The following DHRSX variants were observed in gnomAD, a reference collection of about 807,000 sequenced individuals.
DHRSX encodes polyprenol dehydrogenase.
DHRSX carries 31 observed loss-of-function variants against 34.0 expected under a neutral mutation model. That is an observed-to-expected ratio of 0.91 (90% CI 0.69 to 1.23). The LOEUF is 1.23. Among genes scored for constraint, DHRSX ranks in the 50% most tolerant of loss-of-function variants. DHRSX has a pLI of 0.00. For missense variants in DHRSX, 414 were observed against 428.1 expected, an observed-to-expected ratio of 0.97 and a Z score of 0.29; for synonymous variants, 201 against 183.8, an observed-to-expected ratio of 1.09 and a Z score of -0.76.
intron 5 of DHRSX, among the ~76,000 whole-genome samples, chrX:2,243,880 G>C (rs373365167): frequency 1.5e-5 from 2 of 137,542 alleles, no homozygotes; most frequent in Non-Finnish European, 3.0e-5. Flanking sequence ...AGCGAATCTC[G>C]TGCCTCAGCC....
At chrX:2,432,145 G>C (rs2043934007) in intron 1 of DHRSX, among the ~76,000 whole-genome samples, 1 of 152,010 alleles carries the variant, frequency 6.6e-6, no homozygotes, top group Non-Finnish European at 1.5e-5. Flanking sequence ...AGTGAGCTGA[G>C]ATCACGCCAG....
chrX:2,323,500 C>T (rs1406890260), intron 3 of DHRSX, among the ~76,000 whole-genome samples: 3 of 152,110 alleles, frequency 2.0e-5, no homozygotes, highest in African/African-American at 2.4e-5. Flanking sequence ...CGGTGGTACA[C>T]GCCTGTAATC....
chrX:2,313,553 G>C (rs1337516606), intron 3 of DHRSX, among the ~76,000 whole-genome samples: 1 of 151,438 alleles, frequency 6.6e-6, no homozygotes, highest in Non-Finnish European at 1.5e-5. Context: ...ATTTTTAGTA[G>C]AGACAGGGTT....
intron 1 of DHRSX, chrX:2,489,841 G>A: frequency 6.2e-7 from 1 of 1,613,708 alleles, no homozygotes; most frequent in Non-Finnish European, 8.5e-7. Context: ...CATTGAAGGT[G>A]TGGCCCAGGC....
intron 3 of DHRSX, among the ~76,000 whole-genome samples, chrX:2,327,300 G>C (rs2042398760): frequency 6.6e-6 from 1 of 152,180 alleles, no homozygotes. Context: ...GCAAGTAAGG[G>C]AAGCCTGACT....
At chrX:2,288,080 G>A (rs1433988269) in intron 4 of DHRSX, among the ~76,000 whole-genome samples, 1 of 151,610 alleles carries the variant, frequency 6.6e-6, no homozygotes, top group African/African-American at 2.4e-5. Flanking sequence ...TAATCACAAT[G>A]GTTCTTCTAC....
At chrX:2,385,182 C>A (rs1258998864) in intron 3 of DHRSX, among the ~76,000 whole-genome samples, 1 of 150,298 alleles carries the variant, frequency 6.7e-6, no homozygotes, top group East Asian at 2.0e-4. Flanking sequence ...ATACACACAT[C>A]CAACAAGTAC....
At chrX:2,310,059 G>A (rs945629697) in intron 3 of DHRSX, among the ~76,000 whole-genome samples, 8 of 152,124 alleles carry the variant, frequency 5.3e-5, no homozygotes, top group African/African-American at 1.4e-4. Flanking sequence ...CACCTGCCCC[G>A]TCCCTACGCA....
At chrX:2,443,735 G>A (rs1467203172) in intron 1 of DHRSX, among the ~76,000 whole-genome samples, 7 of 152,164 alleles carry the variant, frequency 4.6e-5, no homozygotes, top group Admixed American at 6.5e-5. Context: ...GGCCGGGCAC[G>A]GTAGCTCACG....
chrX:2,338,276 C>T (rs1433896263), intron 3 of DHRSX, among the ~76,000 whole-genome samples: 1 of 151,434 alleles, frequency 6.6e-6, no homozygotes, highest in Non-Finnish European at 1.5e-5. Flanking sequence ...AAGGTTGCGG[C>T]GAGCCGAGAC....
chrX:2,222,128 C>G (rs2015535969), intron 6 of DHRSX, among the ~76,000 whole-genome samples: 1 of 152,196 alleles, frequency 6.6e-6, no homozygotes, highest in African/African-American at 2.4e-5. Flanking sequence ...ATGCATTGAT[C>G]TTGAACTTCC....
At chrX:2,468,818 G>T (rs944053601) in intron 1 of DHRSX, among the ~76,000 whole-genome samples, 2 of 151,626 alleles carry the variant, frequency 1.3e-5, no homozygotes, top group African/African-American at 4.9e-5. Context: ...CTGCTGCCAT[G>T]TACACACTGA....
chrX:2,387,361 A>C (rs1319217428), intron 3 of DHRSX, among the ~76,000 whole-genome samples: 1 of 152,144 alleles, frequency 6.6e-6, no homozygotes, highest in African/African-American at 2.4e-5. Flanking sequence ...GATATATAGA[A>C]AGGGGCATTT....
chrX:2,381,423 T>C (rs1212033109), intron 3 of DHRSX, among the ~76,000 whole-genome samples: 1 of 151,802 alleles, frequency 6.6e-6, no homozygotes, highest in East Asian at 1.9e-4. Flanking sequence ...CCTCCAGAAG[T>C]GTGAGCCTGA....
rs763513825 is a variant in DHRSX, at chrX:2,482,899, G to A, written c.109+17918C>T. Among the ~76,000 whole-genome samples, 66 of 152,160 alleles carry A rather than the reference G, an allele frequency of 4.3e-4. No individual in the cohort carries two copies. In the East Asian group the frequency reaches 7.3e-3, roughly 17 times the overall value. On this transcript the variant is annotated intron_variant, in intron 1 of 6. Transcript: ENST00000334651. Reference sequence around the variant, plus strand: ...TCTGCATCAAAACATCTGCACCCACGGGTCCACCCGTCAGCCAAAAGCCAC... The same window carrying A: ...TCTGCATCAAAACATCTGCACCCACAGGTCCACCCGTCAGCCAAAAGCCAC...
chrX:2,322,384 A>C (rs1270531090), intron 3 of DHRSX, among the ~76,000 whole-genome samples: 1 of 151,754 alleles, frequency 6.6e-6, no homozygotes, highest in Non-Finnish European at 1.5e-5. Flanking sequence ...CCCTGTCTCT[A>C]CTAAAAATAC....
At chrX:2,276,834 CAG>C (rs2041665943) in intron 4 of DHRSX, among the ~76,000 whole-genome samples, 1 of 117,600 alleles carries the variant, frequency 8.5e-6, no homozygotes, top group Non-Finnish European at 1.8e-5. Context: ...GGAGAGGGAA[CAG>C]GGAGAGAGAG....
At chrX:2,368,196 T>C (rs1365506816) in intron 3 of DHRSX, among the ~76,000 whole-genome samples, 2 of 151,400 alleles carry the variant, frequency 1.3e-5, no homozygotes, top group Admixed American at 6.6e-5. Flanking sequence ...TGAGCCAAGA[T>C]TGTGGCACTG....
chrX:2,275,877 C>G (rs2041624950), intron 4 of DHRSX, among the ~76,000 whole-genome samples: 1 of 151,564 alleles, frequency 6.6e-6, no homozygotes, highest in Admixed American at 6.6e-5. Flanking sequence ...TGGAGTCTCA[C>G]TCTGTCGCTA....
Sources: allele counts gnomAD v4.1 joint callset (sites outside exome capture counted in the v4.1 genomes callset), GRCh38; gene constraint gnomAD v4.1.1; transcripts MANE v1.5; gene names NCBI Gene and HGNC (gene_info 2026-07-23, HGNC 2026-07-21).